The following CLDN10 variants were observed in gnomAD, a reference collection of about 807,000 sequenced individuals.
CLDN10 encodes claudin 10.
CLDN10 carries 15 observed loss-of-function variants against 22.9 expected under a neutral mutation model. The observed-to-expected ratio is 0.65, with a 90% confidence interval of 0.44 to 1.01. CLDN10 has a LOEUF of 1.01. Among genes scored for constraint, CLDN10 ranks in the 50% least tolerant of loss-of-function variants. CLDN10 has a pLI of 0.00. For synonymous variants in CLDN10, 114 were observed against 111.4 expected, an observed-to-expected ratio of 1.02 and a Z score of -0.15; for missense variants, 247 against 287.8, an observed-to-expected ratio of 0.86 and a Z score of 1.03.
chr13:95,521,754 G>A (rs1345485801), intron 1 of CLDN10, among the ~76,000 whole-genome samples: 5 of 151,912 alleles, frequency 3.3e-5, no homozygotes, highest in Non-Finnish European at 7.4e-5. Flanking sequence ...ATATTTGGTA[G>A]TTCTTACCAG....
chr13:95,552,681 C>T, upstream of CLDN10: 1 of 1,466,040 alleles, frequency 6.8e-7, no homozygotes, highest in Non-Finnish European at 9.0e-7. Flanking sequence ...GGAGGCGGAG[C>T]CCCGGGGTTG....
chr13:95,492,533 G>A (rs1344172656), intron 1 of CLDN10, among the ~76,000 whole-genome samples: 5 of 152,112 alleles, frequency 3.3e-5, no homozygotes, highest in Non-Finnish European at 4.4e-5. Context: ...CAACAGCCTC[G>A]AGTCTGTTTC....
chr13:95,513,128 C>T (rs1365655736), intron 1 of CLDN10, among the ~76,000 whole-genome samples: 2 of 152,222 alleles, frequency 1.3e-5, no homozygotes, highest in East Asian at 1.9e-4. Context: ...GATCCTCCCA[C>T]TTCTGCCTCA....
intron 1 of CLDN10, among the ~76,000 whole-genome samples, chr13:95,520,879 C>CTGAG (rs1012023765): frequency 1.2e-4 from 18 of 151,720 alleles, no homozygotes; most frequent in African/African-American, 4.4e-4. Flanking sequence ...AGTTAGGAGG[C>CTGAG]TGAGGCAGGA....
chr13:95,436,667 T>C (rs1390035681), intron 1 of CLDN10, among the ~76,000 whole-genome samples: 1 of 152,220 alleles, frequency 6.6e-6, no homozygotes, highest in Non-Finnish European at 1.5e-5. Flanking sequence ...AAAATCTTTA[T>C]AAATGATACA....
At position 95,504,031 on chromosome 13, in the gene CLDN10, C is replaced by G. The variant is rs113071293; in HGVS notation, c.215-56101C>G. On this transcript the variant is annotated intron_variant, in intron 1 of 4. Coordinates refer to the CLDN10 transcript ENST00000376873. Reference sequence around the variant, plus strand: ...AAACATTGAAATGAAAAGGAGTAGTCATGGATACTACATGGAATTACAGGA... The same window carrying G: ...AAACATTGAAATGAAAAGGAGTAGTGATGGATACTACATGGAATTACAGGA... 8.2e-3 allele frequency among the ~76,000 whole-genome samples: 1,256 copies of G among 152,258 alleles called. 13 individuals carry two copies. Among genetic ancestry groups the G allele is most frequent in the Non-Finnish European group, 0.011 (751 of 68,026 alleles).
chr13:95,526,678 CT>C (rs1450168036), intron 1 of CLDN10, among the ~76,000 whole-genome samples: 6 of 152,154 alleles, frequency 3.9e-5, no homozygotes, highest in African/African-American at 1.2e-4. Flanking sequence ...ATCACAGCTA[CT>C]CGGGAGGCTG....
At chr13:95,548,630 G>T (rs1260401045), upstream of CLDN10, among the ~76,000 whole-genome samples, 1 of 152,186 alleles carries the variant, frequency 6.6e-6, no homozygotes, top group Non-Finnish European at 1.5e-5. Flanking sequence ...TAAGATAAAT[G>T]AAATGTTAGG....
At chr13:95,444,116 C>T (rs1234576331) in intron 1 of CLDN10, among the ~76,000 whole-genome samples, 2 of 152,190 alleles carry the variant, frequency 1.3e-5, no homozygotes, top group African/African-American at 4.8e-5. Context: ...GCTCATTGCC[C>T]ATCTGGCTGT....
At chr13:95,552,588 G>C (rs956100680), upstream of CLDN10, 5 of 785,620 alleles carry the variant, frequency 6.4e-6, no homozygotes, top group Non-Finnish European at 9.3e-6. Flanking sequence ...ACAGGGCATG[G>C]GTGTGAGGGG....
At chr13:95,504,227 A>G (rs550732404) in intron 1 of CLDN10, among the ~76,000 whole-genome samples, 7 of 152,294 alleles carry the variant, frequency 4.6e-5, no homozygotes, top group Non-Finnish European at 8.8e-5. Context: ...AAGACTATAT[A>G]TGGGCATATT....
intron 1 of CLDN10, among the ~76,000 whole-genome samples, chr13:95,434,538 C>CATGTGTGTATATATATATGCACACAT (rs55732645): frequency 0.034 from 5,041 of 149,272 alleles, 447 homozygotes; most frequent in African/African-American, 0.12. Flanking sequence ...TATATGCACA[C>CATGTGTGTATATATATATGCACACAT]GTGTGTATAT....
intron 1 of CLDN10, among the ~76,000 whole-genome samples, chr13:95,504,233 A>T (rs1292767758): frequency 2.6e-5 from 4 of 152,214 alleles, no homozygotes; most frequent in African/African-American, 9.7e-5. Context: ...ATATATGGGC[A>T]TATTTATGGA....
chr13:95,559,793 A>G (rs936730855), intron 1 of CLDN10, among the ~76,000 whole-genome samples: 1 of 152,182 alleles, frequency 6.6e-6, no homozygotes, highest in African/African-American at 2.4e-5. Context: ...TGGAATTCGT[A>G]GTCTGATTTG....
chr13:95,447,245 T>C (rs4306382), intron 1 of CLDN10, among the ~76,000 whole-genome samples: 46,358 of 152,082 alleles, frequency 0.3, 8,358 homozygotes, highest in Non-Finnish European at 0.4. Flanking sequence ...CACCGGCAAG[T>C]CTTGAGCCAG....
At chr13:95,569,601 A>G (rs2043829291) in intron 3 of CLDN10, among the ~76,000 whole-genome samples, 1 of 152,132 alleles carries the variant, frequency 6.6e-6, no homozygotes, top group Non-Finnish European at 1.5e-5. Flanking sequence ...AAATAAATAA[A>G]TAGATATAAA....
intron 1 of CLDN10, among the ~76,000 whole-genome samples, chr13:95,490,460 C>T (rs749571321): frequency 2.6e-4 from 40 of 152,068 alleles, no homozygotes; most frequent in Non-Finnish European, 5.9e-4. Context: ...TTTTGATAGG[C>T]TGTGTCATTA....
intron 1 of CLDN10, among the ~76,000 whole-genome samples, chr13:95,556,096 A>G (rs1430882781): frequency 6.6e-6 from 1 of 151,782 alleles, no homozygotes. Context: ...CCCAGGACAG[A>G]GTGCCATGGC....
At chr13:95,452,975 T>C (rs1436166396) in intron 1 of CLDN10, among the ~76,000 whole-genome samples, 1 of 152,244 alleles carries the variant, frequency 6.6e-6, no homozygotes, top group East Asian at 1.9e-4. Context: ...CTTAAAATAC[T>C]TGTAATTACC....
Sources: gnomAD v4.1 joint callset for allele counts (sites outside exome capture counted in the v4.1 genomes callset) on GRCh38, gnomAD v4.1.1 for gene constraint, MANE v1.5 for transcripts, NCBI Gene and HGNC (gene_info 2026-07-23, HGNC 2026-07-21) for gene names.